TMBIM4: variants seen among roughly 807,000 people sequenced by gnomAD.
The protein encoded by TMBIM4 is transmembrane BAX inhibitor motif containing 4.
Under a neutral mutation model 27.7 loss-of-function variants are expected in TMBIM4, and 28 were observed. That is an observed-to-expected ratio of 1.01 (90% CI 0.75 to 1.38). TMBIM4 has a LOEUF of 1.38. TMBIM4 is among the 40% of genes most tolerant of loss of function. The pLI, the probability that TMBIM4 is intolerant of heterozygous loss-of-function variation, is 0.00. For synonymous variants in TMBIM4, 115 were observed against 113.1 expected (o/e 1.02, Z -0.11); for missense variants, 265 against 277.5 (o/e 0.95, Z 0.32).
At chr12:66,153,984 A>G (rs79368264) in intron 1 of TMBIM4, among the ~76,000 whole-genome samples, 88 of 152,292 alleles carry the variant, frequency 5.8e-4, no homozygotes, top group Non-Finnish European at 1.1e-3. Flanking sequence ...TCTAGTTTCT[A>G]TACAATAGAA....
chr12:66,168,093 C>T (rs1490980163), intron 1 of TMBIM4, among the ~76,000 whole-genome samples: 1 of 151,736 alleles, frequency 6.6e-6, no homozygotes, highest in African/African-American at 2.4e-5. Context: ...TGGTGACCTG[C>T]ATTTGTAATC....
chr12:66,145,839 A>AC lies in TMBIM4; in HGVS notation c.464+1dup. On this transcript the variant is annotated splice_donor_variant, in intron 5 of 6. Coordinates refer to ENST00000358230, the MANE Select transcript of TMBIM4 (RefSeq NM_016056.4). LOFTEE classifies it high-confidence loss of function. The stretch of plus-strand genomic sequence containing the variant: ...TTATATCCAAGAATATATACAACTT[A>AC]CCCTGCTCCAAATTTGCTGAAATCC... The AC allele has an allele frequency of 1.3e-6, 2 of 1,529,440 alleles. No individual in the cohort carries two copies. Among genetic ancestry groups the AC allele is most frequent in the Non-Finnish European group, 1.8e-6 (2 of 1,109,338 alleles). 94.7% of individuals were successfully genotyped at this position (1,529,440 alleles called of 1,614,324 possible).
intron 1 of TMBIM4, among the ~76,000 whole-genome samples, chr12:66,155,335 T>TGAGAGAGAGAGAGAGAGAGAGA (rs71697123): frequency 0.027 from 3,529 of 131,510 alleles, 149 homozygotes; most frequent in Non-Finnish European, 0.04. Flanking sequence ...TGCACACGTG[T>TGAGAGAGAGAGAGAGAGAGAGA]GAGAGAGAGA....
At chr12:66,160,125 C>A in intron 1 of TMBIM4, 1 of 693,812 alleles carries the variant, frequency 1.4e-6, no homozygotes, top group South Asian at 1.5e-5. Flanking sequence ...GGAGCTGCAA[C>A]AGATATCTTA....
At position 66,147,916 on chromosome 12, in the gene TMBIM4, G is replaced by A; in HGVS notation, c.338C>T (p.Ala113Val). The change falls in exon 4 of 7, where the codon GCA becomes GTA. Residue 113 changes from alanine (A) to valine (V), a missense_variant. Ala to Val is a moderately conservative substitution (Grantham distance 64, BLOSUM62 0). Transcript: ENST00000358230. ...ATGCAGTTACGGCTTACCAACAACTGCCACAGTCAGAGCTTCCAACAGCGT... is the reference window on the plus strand; with the variant it reads ...ATGCAGTTACGGCTTACCAACAACTACCACAGTCAGAGCTTCCAACAGCGT... ...GFTLLEALTV[A>V]VVVTFYDVYI... The A allele has an allele frequency of 6.2e-7, 1 of 1,611,158 alleles. No homozygotes were observed. Among genetic ancestry groups the A allele is most frequent in the Non-Finnish European group, 8.5e-7 (1 of 1,178,462 alleles).
chr12:66,167,802 C>G (rs1193374746), intron 1 of TMBIM4, among the ~76,000 whole-genome samples: 1 of 152,178 alleles, frequency 6.6e-6, no homozygotes, highest in African/African-American at 2.4e-5. Context: ...GAGGTATGTG[C>G]ACACCTATAT....
intron 3 of TMBIM4, among the ~76,000 whole-genome samples, chr12:66,149,878 G>A (rs2051816805): frequency 8.8e-6 from 1 of 113,572 alleles, no homozygotes; most frequent in Admixed American, 7.6e-5. Context: ...GTCTGTCTAT[G>A]TGCATGCATA....
At chr12:66,152,927 CAT>C (rs2051872915) in intron 2 of TMBIM4, among the ~76,000 whole-genome samples, 1 of 151,788 alleles carries the variant, frequency 6.6e-6, no homozygotes, top group Non-Finnish European at 1.5e-5. Context: ...AGGGATGAAT[CAT>C]GTGGAGCTCT....
intron 1 of TMBIM4, among the ~76,000 whole-genome samples, chr12:66,158,559 C>G (rs1056072432): frequency 4.0e-5 from 6 of 151,460 alleles, no homozygotes; most frequent in Non-Finnish European, 8.8e-5. Context: ...TCGCTTGAAC[C>G]AGGGAGTCGG....
At chr12:66,168,111 C>T (rs1222223640) in intron 1 of TMBIM4, among the ~76,000 whole-genome samples, 1 of 151,710 alleles carries the variant, frequency 6.6e-6, no homozygotes, top group Non-Finnish European at 1.5e-5. Context: ...ATCCCAACTA[C>T]TCGAGAGGCT....
Position 66,137,647 on chromosome 12 carries a change from G to A in TMBIM4, c.*313C>T. ...TTGACCTCGTGATCCACCTGCCTCG[G>A]TCTCCCAAAGTGGTGGGATTACAGG... is the stretch of plus-strand genomic sequence containing the variant. On this transcript the variant is annotated 3_prime_UTR_variant, in exon 7 of 7. Coordinates refer to ENST00000358230, the MANE Select transcript of TMBIM4 (RefSeq NM_016056.4). The A allele has an allele frequency of 3.7e-6, 1 of 271,614 alleles. No individual in the cohort carries two copies. Among genetic ancestry groups the A allele is most frequent in the Non-Finnish European group, 7.2e-6 (1 of 138,928 alleles). The allele number at this position is 271,614 out of a possible 1,614,324, so 16.8% of individuals were successfully genotyped here.
chr12:66,165,443 G>A (rs1329598243), intron 1 of TMBIM4, among the ~76,000 whole-genome samples: 3 of 141,918 alleles, frequency 2.1e-5, no homozygotes, highest in Admixed American at 7.2e-5. Context: ...TTTCAGACAC[G>A]GTCTCCCTCT....
Position 66,138,140 on chromosome 12 carries a change from C to G in TMBIM4, c.537G>C (p.Glu179Asp). 1 of 1,611,234 alleles carries G rather than the reference C, an allele frequency of 6.2e-7. No individual in the cohort carries two copies. The highest frequency in any genetic ancestry group is 8.5e-7 in the Non-Finnish European group (1 of 1,179,312). Residue 179 changes from glutamate to aspartate, a missense_variant, in exon 7 of 7, where the codon GAG (glutamate) becomes GAC (aspartate). Coordinates refer to ENST00000358230, the MANE Select transcript of TMBIM4 (RefSeq NM_016056.4). ...LKFFFYSEIM[E>D]LVLAAAGALL... ...GGGCTCCTGCAGCGGCTAAGACCAA[C>G]TCCATTATCTCACTATAAAAAAAAA...
At chr12:66,157,884 C>T (rs1354736770) in intron 1 of TMBIM4, among the ~76,000 whole-genome samples, 2 of 152,192 alleles carry the variant, frequency 1.3e-5, no homozygotes, top group Non-Finnish European at 2.9e-5. Flanking sequence ...CTGCTGGCTT[C>T]TTGCTGCTTA....
intron 1 of TMBIM4, among the ~76,000 whole-genome samples, chr12:66,153,652 TC>T (rs967014855): frequency 4.6e-5 from 7 of 152,128 alleles, no homozygotes; most frequent in African/African-American, 1.7e-4. Context: ...TAAACCTCTC[TC>T]CAAAAAGCAT....
intron 1 of TMBIM4, among the ~76,000 whole-genome samples, chr12:66,167,466 A>T (rs2052151117): frequency 6.6e-6 from 1 of 152,254 alleles, no homozygotes; most frequent in East Asian, 1.9e-4. Context: ...TCCAAGGAAA[A>T]TGTATAAATG....
At chr12:66,158,539 G>A (rs1338147847) in intron 1 of TMBIM4, among the ~76,000 whole-genome samples, 3 of 152,006 alleles carry the variant, frequency 2.0e-5, no homozygotes, top group Admixed American at 2.0e-4. Context: ...CTCGGGCTGA[G>A]GCAGGAGAAT....
chr12:66,138,885 T>C (rs1462102563), intron 5 of TMBIM4, 116 bp from the exon 6 acceptor site: 5 of 1,314,524 alleles, frequency 3.8e-6, no homozygotes, highest in Non-Finnish European at 4.9e-6. Context: ...GAAGAATAAC[T>C]AAAATGTAAG....
At chr12:66,166,890 G>T (rs1447868727) in intron 1 of TMBIM4, among the ~76,000 whole-genome samples, 1 of 152,214 alleles carries the variant, frequency 6.6e-6, no homozygotes, top group Non-Finnish European at 1.5e-5. Context: ...AAGCAGGCAA[G>T]ATTTCCTTCA....
Sources: allele counts gnomAD v4.1 joint callset (sites outside exome capture counted in the v4.1 genomes callset), GRCh38; gene constraint gnomAD v4.1.1; transcripts MANE v1.5; gene names NCBI Gene and HGNC (gene_info 2026-07-23, HGNC 2026-07-21).